MYO16: variants seen among roughly 807,000 people sequenced by gnomAD.
MYO16 encodes the protein unconventional myosin-XVI.
Under a neutral mutation model 205.3 loss-of-function variants are expected in MYO16, and 94 were observed. That is an observed-to-expected ratio of 0.46 (90% confidence interval 0.39 to 0.54). The LOEUF (loss-of-function observed/expected upper bound fraction) is 0.54, where lower values mean the gene tolerates loss of function less well. Among genes scored for constraint, MYO16 ranks in the 20% least tolerant of loss-of-function variants. The pLI, the probability that MYO16 is intolerant of heterozygous loss-of-function variation, is 0.00. For synonymous variants in MYO16, 988 were observed against 954.0 expected (o/e 1.04, Z -0.66); for missense variants, 2,315 against 2,387.5 (o/e 0.97, Z 0.63).
chr13:108,891,630 A>G (rs551251341), intron 14 of MYO16, among the ~76,000 whole-genome samples: 3 of 152,354 alleles, frequency 2.0e-5, no homozygotes, highest in Non-Finnish European at 4.4e-5. Flanking sequence ...TCAAAGTGCG[A>G]TATTGCTGCA....
chr13:108,997,707 G>A (rs1594457008), intron 21 of MYO16, among the ~76,000 whole-genome samples: 1 of 152,090 alleles, frequency 6.6e-6, no homozygotes, highest in South Asian at 2.1e-4. Context: ...GCGTGGTGGT[G>A]GGTGCCTCTA....
chr13:109,091,543 TCAC>T (rs1888623450), intron 27 of MYO16, among the ~76,000 whole-genome samples: 1 of 152,156 alleles, frequency 6.6e-6, no homozygotes, highest in South Asian at 2.1e-4. Flanking sequence ...GACGCCACAG[TCAC>T]CAAATCCCAC....
At chr13:108,928,926 T>C (rs941592587) in intron 16 of MYO16, among the ~76,000 whole-genome samples, 4 of 152,224 alleles carry the variant, frequency 2.6e-5, no homozygotes, top group Non-Finnish European at 5.9e-5. Context: ...TCAGAAATTG[T>C]ACAGGGCATA....
the MYO16 span, among the ~76,000 whole-genome samples, chr13:108,554,522 T>C: frequency 4.6e-5 from 7 of 152,194 alleles, no homozygotes; most frequent in African/African-American, 1.7e-4. Context: ...TCCATGAATT[T>C]CTCAAATCCA....
At chr13:109,092,765 G>A (rs1252403166) in intron 27 of MYO16, among the ~76,000 whole-genome samples, 2 of 152,220 alleles carry the variant, frequency 1.3e-5, no homozygotes, top group Admixed American at 1.3e-4. Flanking sequence ...ATCCTGTGGT[G>A]ACTGCATAAG....
At chr13:108,506,810 G>T in the MYO16 span, among the ~76,000 whole-genome samples, 1 of 152,272 alleles carries the variant, frequency 6.6e-6, no homozygotes, top group South Asian at 2.1e-4. Flanking sequence ...CATGGAGTAT[G>T]ATGTTAGCTG....
At chr13:108,906,640 G>A (rs1158500006) in intron 15 of MYO16, among the ~76,000 whole-genome samples, 1 of 152,218 alleles carries the variant, frequency 6.6e-6, no homozygotes, top group Non-Finnish European at 1.5e-5. Flanking sequence ...AGACAAGACA[G>A]TTGGGCTTAA....
chr13:108,758,502 C>T (rs1885494562), intron 4 of MYO16, among the ~76,000 whole-genome samples: 1 of 152,058 alleles, frequency 6.6e-6, no homozygotes, highest in Non-Finnish European at 1.5e-5. Flanking sequence ...TTCTTTTCAG[C>T]TAAAGGGAAG....
At chr13:109,005,771 C>A (rs1433619899) in intron 21 of MYO16, among the ~76,000 whole-genome samples, 2 of 152,162 alleles carry the variant, frequency 1.3e-5, no homozygotes, top group African/African-American at 4.8e-5. Flanking sequence ...CAGTCCCACG[C>A]CACACTCCCT....
At chr13:108,851,941 T>C (rs2139091687) in intron 10 of MYO16, among the ~76,000 whole-genome samples, 1 of 152,164 alleles carries the variant, frequency 6.6e-6, no homozygotes, top group South Asian at 2.1e-4. Flanking sequence ...TGCTGCCTCC[T>C]CCCACCTCCT....
intron 7 of MYO16, among the ~76,000 whole-genome samples, chr13:108,813,109 C>T (rs112334278): frequency 0.014 from 2,128 of 151,820 alleles, 24 homozygotes; most frequent in Middle Eastern, 0.037. Flanking sequence ...ATGAGATTTG[C>T]GAATGGAAAT....
intron 23 of MYO16, among the ~76,000 whole-genome samples, chr13:109,036,898 A>T (rs1886735216): frequency 6.6e-6 from 1 of 152,162 alleles, no homozygotes; most frequent in African/African-American, 2.4e-5. Context: ...CTTTCATCCC[A>T]CAAATAATAA....
At chr13:108,684,197 C>G (rs1882581886) in intron 2 of MYO16, among the ~76,000 whole-genome samples, 1 of 152,166 alleles carries the variant, frequency 6.6e-6, no homozygotes, top group Non-Finnish European at 1.5e-5. Context: ...TCTTAGATGC[C>G]ACAGGAGGGG....
chr13:108,668,062 G>A (rs1881819375), intron 2 of MYO16, among the ~76,000 whole-genome samples: 1 of 152,122 alleles, frequency 6.6e-6, no homozygotes, highest in African/African-American at 2.4e-5. Flanking sequence ...TAATGTATTG[G>A]AAATGTTTTA....
rs138919680 is a variant in MYO16, at chr13:108,858,822, C to T, written c.1359+3269C>T. 5.0e-4 allele frequency among the ~76,000 whole-genome samples: 76 copies of T among 152,266 alleles called. 1 individual carries two copies. The highest frequency in any genetic ancestry group is 7.8e-4 in the Admixed American group (12 of 15,304). ...TGAGGAAAGGCTCATAAAGCCGCAA[C>T]GCTTTCCCCCTACCTTTTGAATTTC... On this transcript the variant is annotated intron_variant, in intron 11 of 34. Coordinates refer to ENST00000457511, the MANE Select transcript of MYO16 (RefSeq NM_001198950.3).
chr13:108,690,583 T>C (rs1882858096), intron 2 of MYO16, among the ~76,000 whole-genome samples: 1 of 152,002 alleles, frequency 6.6e-6, no homozygotes, highest in African/African-American at 2.4e-5. Flanking sequence ...CTAAATAAAA[T>C]TGAATAAATG....
At chr13:109,027,178 C>G (rs1566470330) in intron 23 of MYO16, among the ~76,000 whole-genome samples, 1 of 152,144 alleles carries the variant, frequency 6.6e-6, no homozygotes, top group Non-Finnish European at 1.5e-5. Context: ...GCATTCCTGC[C>G]TTACAGACCC....
In MYO16 at chr13:108,910,149, C is replaced by T. The variant is rs140988256; in HGVS notation, c.1924C>T (p.Arg642Trp). Reference protein sequence around the residue: ...GLHLNNLCAHRYLNQTIQDDA... With the variant: ...GLHLNNLCAHWYLNQTIQDDA... ...TCATCTTAATAATTTATGTGCACAC[C>T]GGTGAGTGACTAAGTATTTTGTATC... The change falls in exon 16 of 35, where the codon CGG becomes TGG. Residue 642 changes from arginine (R) to tryptophan (W), a missense_variant and splice_region_variant. Coordinates refer to ENST00000457511, the MANE Select transcript of MYO16 (RefSeq NM_001198950.3). The T allele has an allele frequency of 2.1e-5, 34 of 1,610,508 alleles. No homozygotes were observed. Among genetic ancestry groups the T allele is most frequent in the African/African-American group, 8.0e-5 (6 of 74,760 alleles).
intron 16 of MYO16, among the ~76,000 whole-genome samples, chr13:108,936,383 T>A (rs1882493704): frequency 6.6e-6 from 1 of 152,066 alleles, no homozygotes; most frequent in South Asian, 2.1e-4. Context: ...GGTTTTTTAT[T>A]ATAGATTTAA....
Sources: gnomAD v4.1 joint callset for allele counts (sites outside exome capture counted in the v4.1 genomes callset) on GRCh38, gnomAD v4.1.1 for gene constraint, MANE v1.5 for transcripts, NCBI Gene and HGNC (gene_info 2026-07-23, HGNC 2026-07-21) for gene names.